RTN1: variants seen among roughly 807,000 people sequenced by gnomAD.
The protein encoded by RTN1 is reticulon 1, also known as reticulon-1.
A neutral mutation model predicts 65.5 loss-of-function variants in RTN1; 25 were observed. The observed-to-expected ratio is 0.38, with a 90% CI of 0.28 to 0.53. The LOEUF is 0.53. RTN1 is among the 20% of genes least tolerant of loss of function. The pLI is 0.79. For missense variants in RTN1, 983 were observed against 1,025.4 expected (o/e 0.96, Z 0.57); for synonymous variants, 471 against 447.6 (o/e 1.05, Z -0.66).
Position 59,868,113 on chromosome 14 carries a change from G to A in RTN1, c.241+2277C>T, listed in dbSNP as rs1034572094. On this transcript the variant is annotated intron_variant, in intron 1 of 8. Transcript: ENST00000267484. This position sits in a 1 kb window ranked among gnomAD's most constrained non-coding sequence, Gnocchi z 4.0. ...ATAGAACTGCCAAAATAACAGACCAGGAAGCTGGACAAGATTTGTTTGGAA... is the reference window on the plus strand; with the variant it reads ...ATAGAACTGCCAAAATAACAGACCAAGAAGCTGGACAAGATTTGTTTGGAA... Among the ~76,000 whole-genome samples, 1 of 152,140 alleles carries A rather than the reference G, an allele frequency of 6.6e-6. No individual in the cohort carries two copies. The highest frequency in any genetic ancestry group is 1.5e-5 in the Non-Finnish European group (1 of 68,018).
chr14:59,750,284 ATATATAATATC>A (rs1175810373), intron 1 of RTN1, among the ~76,000 whole-genome samples: 13 of 46,130 alleles, frequency 2.8e-4, no homozygotes, highest in Middle Eastern at 0.024. Flanking sequence ...AATATATAAT[ATATATAATATC>A]TATAATATAT....
rs145137520 is a variant in RTN1 at position 59,648,100 on chromosome 14, A to T, written c.1766-40608T>A. ...AACACAATCAGAAATGACAAATGGGATGTTACCATTGACCCCACAGAAATA... is the reference window on the plus strand; with the variant it reads ...AACACAATCAGAAATGACAAATGGGTTGTTACCATTGACCCCACAGAAATA... On this transcript the variant is annotated intron_variant, in intron 3 of 8. Transcript: ENST00000267484. Among the ~76,000 whole-genome samples, 46 of 152,336 alleles carry T rather than the reference A, an allele frequency of 3.0e-4. No homozygotes were observed. In the East Asian group the frequency reaches 7.1e-3, roughly 24 times the overall value.
chr14:59,858,085 T>A (rs1887639562), intron 1 of RTN1, among the ~76,000 whole-genome samples: 1 of 152,226 alleles, frequency 6.6e-6, no homozygotes, highest in Non-Finnish European at 1.5e-5. Context: ...GAGTTATTCA[T>A]CTTTGCTTTG....
Position 59,727,074 on chromosome 14 carries a change from G to C in RTN1, c.1610C>G (p.Pro537Arg). The C allele has an allele frequency of 6.2e-7, 1 of 1,612,428 alleles. No homozygotes were observed. The highest frequency in any genetic ancestry group is 8.5e-7 in the Non-Finnish European group (1 of 1,179,258). Residue 537 changes from proline (P) to arginine (R), a missense_variant, in exon 3 of 9, where the codon CCC becomes CGC. Physicochemically the swap from Pro to Arg is moderately radical, Grantham distance 103. Transcript: ENST00000267484. The surrounding 1 kb of genome is among the most constrained non-coding windows in gnomAD (Gnocchi z 4.2). ...STEPQPGPEL[P>R]PGDGALEPET... ...AGGCTCCAGGGCTCCGTCTCCAGGGGGCAGCTCGGGGCCAGGCTGGGGCTC... is the reference window on the plus strand; with the variant it reads ...AGGCTCCAGGGCTCCGTCTCCAGGGCGCAGCTCGGGGCCAGGCTGGGGCTC...
chr14:59,744,893 T>C (rs1467211951), intron 2 of RTN1, among the ~76,000 whole-genome samples: 3 of 152,108 alleles, frequency 2.0e-5, no homozygotes, highest in Non-Finnish European at 2.9e-5. Context: ...AGTTTGAATG[T>C]CCCTTCCAAA....
chr14:59,711,161 A>G (rs985857576), intron 3 of RTN1, among the ~76,000 whole-genome samples: 2 of 152,346 alleles, frequency 1.3e-5, no homozygotes, highest in South Asian at 2.1e-4. Flanking sequence ...CATTCATTGC[A>G]GAAGGTTTTC....
chr14:59,770,736 T>C (rs974317332), intron 1 of RTN1, among the ~76,000 whole-genome samples: 2 of 152,106 alleles, frequency 1.3e-5, no homozygotes, highest in Non-Finnish European at 2.9e-5. Flanking sequence ...CCCTGAAGGC[T>C]TTACTAACCT....
At position 59,596,506 on chromosome 14, in the gene RTN1, A is replaced by C. The variant is rs937232852; in HGVS notation, c.*239T>G. The stretch of plus-strand genomic sequence containing the variant: ...ACCATCATGCACTTTTTTTAGCAAC[A>C]CAAAATTAAAAACCACATCTAATAC... On this transcript the variant is annotated 3_prime_UTR_variant, in exon 9 of 9. Coordinates refer to ENST00000267484, the MANE Select transcript of RTN1 (RefSeq NM_021136.3). 3.1e-6 allele frequency: 1 copy of C among 323,718 alleles called. No individual in the cohort carries two copies. Among genetic ancestry groups the C allele is most frequent in the African/African-American group, 2.1e-5 (1 of 46,852 alleles). The allele number at this position is 323,718 out of a possible 1,614,324, so 20.1% of individuals were successfully genotyped here. A position where few individuals can be genotyped will look rare whatever the true frequency, so the allele number is the denominator to read the frequency against.
Position 59,868,178 on chromosome 14 carries a change from G to A in RTN1, c.241+2212C>T, listed in dbSNP as rs973946645. 1.6e-4 allele frequency among the ~76,000 whole-genome samples: 25 copies of A among 152,098 alleles called. No homozygotes were observed. Among genetic ancestry groups the A allele is most frequent in the African/African-American group, 4.8e-4 (20 of 41,416 alleles). On this transcript the variant is annotated intron_variant, in intron 1 of 8. Coordinates refer to ENST00000267484, the MANE Select transcript of RTN1 (RefSeq NM_021136.3). The surrounding 1 kb of genome is among the most constrained non-coding windows in gnomAD (Gnocchi z 4.0). ...TATTTATTTATACAGCATTTCTGGC[G>A]TTTGAGTCTCTTATAGCAGCACATC...
At chr14:59,734,940 TTCTTCAGGG>T (rs1285110324) in intron 2 of RTN1, among the ~76,000 whole-genome samples, 10 of 151,970 alleles carry the variant, frequency 6.6e-5, no homozygotes, top group South Asian at 4.2e-4. Context: ...AATCATCAAA[TTCTTCAGGG>T]TCAAAATGAA....
intron 1 of RTN1, among the ~76,000 whole-genome samples, chr14:59,800,862 G>T (rs544881252): frequency 6.6e-6 from 1 of 151,724 alleles, no homozygotes; most frequent in East Asian, 1.9e-4. Context: ...AAATATAAAA[G>T]ATTAATGAAC....
chr14:59,815,643 C>A (rs1594753719), intron 1 of RTN1, among the ~76,000 whole-genome samples: 1 of 152,216 alleles, frequency 6.6e-6, no homozygotes, highest in East Asian at 1.9e-4. Context: ...GGGAGCCTAT[C>A]TTCTCTGTGC....
rs536143648 is a variant in RTN1, at chr14:59,729,386, C to T, written c.1016-1718G>A. On this transcript the variant is annotated intron_variant, in intron 2 of 8. Transcript: ENST00000267484. ...AAGGATATGATCTATGGGTTCCCCC[C>T]CTTTTTTAGTAACTTAAAACAACAA... Among the ~76,000 whole-genome samples the T allele has an allele frequency of 7.3e-3, 1,115 of 152,222 alleles. 16 individuals are homozygous for T. Among genetic ancestry groups the T allele is most frequent in the African/African-American group, 0.026 (1,081 of 41,520 alleles).
At chr14:59,791,976 T>C (rs1886357003) in intron 1 of RTN1, among the ~76,000 whole-genome samples, 1 of 152,068 alleles carries the variant, frequency 6.6e-6, no homozygotes, top group Non-Finnish European at 1.5e-5. Flanking sequence ...GGAGACTTCT[T>C]AGATTTTGTC....
chr14:59,652,695 A>G (rs1319257579), intron 3 of RTN1, among the ~76,000 whole-genome samples: 2 of 152,112 alleles, frequency 1.3e-5, no homozygotes, highest in Admixed American at 1.3e-4. Context: ...GAGGAGGGAG[A>G]GGATCAGAAA....
chr14:59,612,825 T>C (rs1424006200), intron 3 of RTN1, among the ~76,000 whole-genome samples: 1 of 152,248 alleles, frequency 6.6e-6, no homozygotes, highest in East Asian at 1.9e-4. Context: ...TAAAAATTTT[T>C]CTTGGGCAGT....
chr14:59,612,175 C>T (rs1051112373), intron 3 of RTN1, among the ~76,000 whole-genome samples: 9 of 152,172 alleles, frequency 5.9e-5, no homozygotes, highest in Admixed American at 2.0e-4. Context: ...AATGTTAATT[C>T]GGTTCCCCTT....
chr14:59,730,524 G>A (rs1005201633), intron 2 of RTN1, among the ~76,000 whole-genome samples: 3 of 152,092 alleles, frequency 2.0e-5, no homozygotes, highest in African/African-American at 4.8e-5. Flanking sequence ...TAATAAACTG[G>A]GCTTTTGTGC....
chr14:59,741,995 T>C (rs1021579921), intron 2 of RTN1, among the ~76,000 whole-genome samples: 1 of 152,224 alleles, frequency 6.6e-6, no homozygotes, highest in Non-Finnish European at 1.5e-5. Context: ...GCCTGTTTCC[T>C]CTGACTAGCA....
Sources: gnomAD v4.1 joint callset for allele counts (sites outside exome capture counted in the v4.1 genomes callset) on GRCh38, gnomAD v4.1.1 for gene constraint, Gnocchi (gnomAD v3.1) non-coding constraint, MANE v1.5 for transcripts, NCBI Gene and HGNC (gene_info 2026-07-23, HGNC 2026-07-21) for gene names.